The following CEP128 variants were observed in gnomAD, a reference collection of about 807,000 sequenced individuals.
CEP128 encodes centrosomal protein 128kDa.
Under a neutral mutation model 156.7 loss-of-function variants are expected in CEP128, and 132 were observed. That is an observed-to-expected ratio of 0.84 (90% CI 0.73 to 0.97). The LOEUF (loss-of-function observed/expected upper bound fraction) is 0.97, where lower values mean the gene tolerates loss of function less well. Ranked by LOEUF, CEP128 falls within the 50% of genes least tolerant of loss-of-function variation. The probability of loss-of-function intolerance (pLI) is 0.00; values close to 1 mark genes in which losing one functional copy is unlikely to be tolerated. For missense variants in CEP128, 1,252 were observed against 1,281.9 expected (o/e 0.98, Z 0.36); for synonymous variants, 469 against 448.9 (o/e 1.04, Z -0.57).
In CEP128 at chr14:80,743,329, C is replaced by A; in HGVS notation, c.2614-62G>T. 4.7e-6 allele frequency: 6 copies of A among 1,279,616 alleles called. No individual in the cohort carries two copies. In the Admixed American group the frequency reaches 7.1e-5, roughly 15 times the overall value. The allele number at this position is 1,279,616 out of a possible 1,614,324, so 79.3% of individuals were successfully genotyped here. On this transcript the variant is annotated intron_variant, in intron 18 of 24. Coordinates refer to ENST00000555265, the MANE Select transcript of CEP128 (RefSeq NM_152446.5). Reference sequence around the variant, plus strand: ...CTCAGAAAAGAGCAGCATTTCAAAACATGAAGAAAAAAATAAGTAACATAA... The same window carrying A: ...CTCAGAAAAGAGCAGCATTTCAAAAAATGAAGAAAAAAATAAGTAACATAA...
At chr14:80,581,840 C>T (rs1393174178) in intron 19 of CEP128, among the ~76,000 whole-genome samples, 1 of 152,184 alleles carries the variant, frequency 6.6e-6, no homozygotes, top group Non-Finnish European at 1.5e-5. Context: ...CCTGCATCCT[C>T]ACTCATTTGC....
intron 8 of CEP128, among the ~76,000 whole-genome samples, chr14:80,889,018 C>T (rs1888946847): frequency 6.6e-6 from 1 of 152,146 alleles, no homozygotes; most frequent in Non-Finnish European, 1.5e-5. Context: ...CATGAGTGAA[C>T]TCCCATTCAC....
At chr14:80,775,594 G>A (rs2139758441) in intron 16 of CEP128, among the ~76,000 whole-genome samples, 1 of 152,226 alleles carries the variant, frequency 6.6e-6, no homozygotes, top group South Asian at 2.1e-4. Flanking sequence ...AAGAGATTTT[G>A]TTTTTAAAAA....
At chr14:80,638,747 C>A (rs943152619) in intron 19 of CEP128, among the ~76,000 whole-genome samples, 4 of 152,098 alleles carry the variant, frequency 2.6e-5, no homozygotes, top group Admixed American at 6.6e-5. Flanking sequence ...TAAGGAAATG[C>A]CTAAATCTTT....
chr14:80,563,805 G>A (rs1890798756), intron 20 of CEP128, among the ~76,000 whole-genome samples: 2 of 151,918 alleles, frequency 1.3e-5, no homozygotes, highest in South Asian at 4.2e-4. Context: ...AAAGTGCTGG[G>A]ATTACAGGCG....
At chr14:80,756,322 T>C (rs1204401104) in intron 18 of CEP128, among the ~76,000 whole-genome samples, 5 of 152,174 alleles carry the variant, frequency 3.3e-5, no homozygotes, top group African/African-American at 4.8e-5. Flanking sequence ...TGCTTTGTTT[T>C]AGGAGGCTTC....
intron 13 of CEP128, among the ~76,000 whole-genome samples, chr14:80,801,904 T>C (rs1193590951): frequency 8.2e-5 from 4 of 48,688 alleles, no homozygotes; most frequent in African/African-American, 2.7e-4. Context: ...TGAGACTCTG[T>C]CTCCCCAAAA....
chr14:80,798,944 A>G (rs927786738), intron 13 of CEP128, among the ~76,000 whole-genome samples: 1 of 152,240 alleles, frequency 6.6e-6, no homozygotes, highest in Non-Finnish European at 1.5e-5. Flanking sequence ...AACCAGGATA[A>G]ACAATGCATA....
Position 80,524,601 on chromosome 14 carries a change from G to A in CEP128, c.3072+2268C>T, listed in dbSNP as rs889329552. Among the ~76,000 whole-genome samples, 3 of 152,120 alleles carry A rather than the reference G, an allele frequency of 2.0e-5. No homozygotes were observed. The East Asian group carries it at 5.8e-4, about 29-fold the overall frequency. The stretch of plus-strand genomic sequence containing the variant: ...TTTCATGAAAGGAATATGAGAAAAC[G>A]ACCATTGGTATCTACAATTGGCAAA... On this transcript the variant is annotated intron_variant, in intron 23 of 24. Coordinates refer to ENST00000555265, the MANE Select transcript of CEP128 (RefSeq NM_152446.5).
chr14:80,695,371 A>C (rs79354174), intron 19 of CEP128, among the ~76,000 whole-genome samples: 308 of 152,302 alleles, frequency 2.0e-3, no homozygotes, highest in Admixed American at 5.2e-3. Flanking sequence ...CATCAGTTGA[A>C]GATGAAATGT....
chr14:80,952,051 C>T lies in CEP128; in HGVS notation c.-172+6127G>A, dbSNP rs956877198. Among the ~76,000 whole-genome samples, 4 of 152,028 alleles carry T rather than the reference C, an allele frequency of 2.6e-5. No homozygotes were observed. The South Asian group carries it at 8.3e-4, about 31-fold the overall frequency. On this transcript the variant is annotated intron_variant, in intron 2 of 7. Coordinates refer to the CEP128 transcript ENST00000555529. ...AATGAGGGGGAAAAAAAACAAATCC[C>T]CAATTGTAGTAAAAAATTTCAGTAC... is the stretch of plus-strand genomic sequence containing the variant.
intron 18 of CEP128, among the ~76,000 whole-genome samples, chr14:80,756,203 A>G (rs947924567): frequency 2.6e-5 from 4 of 152,228 alleles, no homozygotes; most frequent in African/African-American, 9.6e-5. Flanking sequence ...TTCAGGTGGC[A>G]TAAATACAAA....
chr14:80,487,734 G>A (rs908543543), downstream of CEP128, among the ~76,000 whole-genome samples: 1 of 152,086 alleles, frequency 6.6e-6, no homozygotes, highest in African/African-American at 2.4e-5. Flanking sequence ...ACTCAAAACT[G>A]CTCAACTACA....
intron 19 of CEP128, among the ~76,000 whole-genome samples, chr14:80,624,283 C>A (rs1223878092): frequency 6.6e-6 from 1 of 151,996 alleles, no homozygotes; most frequent in Non-Finnish European, 1.5e-5. Flanking sequence ...TCTTTTTTAT[C>A]CCATTGTGCA....
intron 9 of CEP128, among the ~76,000 whole-genome samples, chr14:80,851,742 A>C (rs1172496909): frequency 6.6e-6 from 1 of 152,048 alleles, no homozygotes; most frequent in African/African-American, 2.4e-5. Flanking sequence ...TTATAAGATA[A>C]AGTTATTTTT....
At chr14:80,917,873 A>T (rs150359827) in intron 2 of CEP128, among the ~76,000 whole-genome samples, 1 of 152,350 alleles carries the variant, frequency 6.6e-6, no homozygotes, top group East Asian at 1.9e-4. Context: ...CTCTTGCCAT[A>T]AGGTTAGGTT....
chr14:80,814,748 T>C (rs912141472), intron 13 of CEP128, among the ~76,000 whole-genome samples: 15 of 152,058 alleles, frequency 9.9e-5, no homozygotes, highest in Non-Finnish European at 1.8e-4. Flanking sequence ...AACAGACAAA[T>C]GGGACTTAAT....
At position 80,776,398 on chromosome 14, in the gene CEP128, T is replaced by C. The variant is rs186169790; in HGVS notation, c.2376+1484A>G. On this transcript the variant is annotated intron_variant, in intron 16 of 24. Transcript: ENST00000555265. ...GTTTTCAAGACTATAGGCCTAAATTTAGCAACATAAGCACATTTAATCATA... is the reference window on the plus strand; with the variant it reads ...GTTTTCAAGACTATAGGCCTAAATTCAGCAACATAAGCACATTTAATCATA... 1.8e-4 allele frequency among the ~76,000 whole-genome samples: 28 copies of C among 151,544 alleles called. No individual in the cohort carries two copies. The East Asian group carries it at 3.7e-3, about 20-fold the overall frequency.
At chr14:80,696,769 A>G (rs1373833208) in intron 19 of CEP128, among the ~76,000 whole-genome samples, 2 of 152,180 alleles carry the variant, frequency 1.3e-5, no homozygotes, top group Admixed American at 6.5e-5. Context: ...GGAGAGTTTA[A>G]ACAAACAAAC....
Sources: gnomAD v4.1 joint callset for allele counts (sites outside exome capture counted in the v4.1 genomes callset) on GRCh38, gnomAD v4.1.1 for gene constraint, MANE v1.5 for transcripts, NCBI Gene and HGNC (gene_info 2026-07-23, HGNC 2026-07-21) for gene names.